SAMD5: variants seen among roughly 807,000 people sequenced by gnomAD.
SAMD5 encodes the protein sterile alpha motif domain-containing protein 5.
In SAMD5, 13 loss-of-function variants were observed where a neutral mutation model predicts 11.3. That is an observed-to-expected ratio of 1.15 (90% CI 0.75 to 1.83). The LOEUF (loss-of-function observed/expected upper bound fraction) is 1.83. SAMD5 is among the 40% of genes most tolerant of loss of function. The pLI, the probability that SAMD5 is intolerant of heterozygous loss-of-function variation, is 0.00. For synonymous variants in SAMD5, 129 were observed against 111.3 expected (o/e 1.16, Z -1.00); for missense variants, 255 against 239.1 (o/e 1.07, Z -0.44).
At chr6:147,511,344 T>C (rs1393150344) in intron 1 of SAMD5, among the ~76,000 whole-genome samples, 1 of 152,258 alleles carries the variant, frequency 6.6e-6, no homozygotes, top group Non-Finnish European at 1.5e-5. Flanking sequence ...CTTTGAACTC[T>C]GGTCTCCTGC....
intron 1 of SAMD5, among the ~76,000 whole-genome samples, chr6:147,661,044 A>G (rs181852794): frequency 6.6e-6 from 1 of 152,320 alleles, no homozygotes; most frequent in Admixed American, 6.5e-5. Context: ...CTGTGGGATC[A>G]GGAGTATATA....
the SAMD5 span, among the ~76,000 whole-genome samples, chr6:147,796,551 C>T: frequency 0.013 from 2,036 of 152,266 alleles, 18 homozygotes; most frequent in Non-Finnish European, 0.022. Flanking sequence ...GCGATACAGT[C>T]TCTTTTTTGG....
intron 1 of SAMD5, among the ~76,000 whole-genome samples, chr6:147,628,904 G>A (rs1304440578): frequency 1.3e-5 from 2 of 152,268 alleles, no homozygotes; most frequent in East Asian, 3.9e-4. Flanking sequence ...AATCTAGAAT[G>A]CATTCTCCAG....
intron 1 of SAMD5, among the ~76,000 whole-genome samples, chr6:147,584,608 C>G (rs1789347895): frequency 6.6e-6 from 1 of 152,202 alleles, no homozygotes; most frequent in Non-Finnish European, 1.5e-5. Flanking sequence ...GGATCCGAGA[C>G]AGTGCCAGCT....
the SAMD5 span, among the ~76,000 whole-genome samples, chr6:147,888,802 T>C: frequency 1.3e-5 from 2 of 151,808 alleles, no homozygotes. Flanking sequence ...GGAGAATCAC[T>C]TGAACCCAGG....
chr6:147,664,481 G>A (rs1790689082), intron 1 of SAMD5, among the ~76,000 whole-genome samples: 1 of 152,132 alleles, frequency 6.6e-6, no homozygotes, highest in African/African-American at 2.4e-5. Context: ...ACCCAAGGCT[G>A]TATTTCTGAT....
At chr6:147,633,325 A>C (rs1013055565) in intron 1 of SAMD5, among the ~76,000 whole-genome samples, 1 of 152,078 alleles carries the variant, frequency 6.6e-6, no homozygotes, top group Non-Finnish European at 1.5e-5. Context: ...ACCGCCTGCC[A>C]TGTCTTCTGT....
the SAMD5 span, among the ~76,000 whole-genome samples, chr6:147,950,438 C>T: frequency 1.3e-5 from 2 of 152,156 alleles, no homozygotes. Flanking sequence ...AAGGTTTGTG[C>T]GTGGCATTCA....
intron 1 of SAMD5, chr6:147,730,117 G>A (rs1236517545): frequency 6.9e-6 from 3 of 435,748 alleles, no homozygotes; most frequent in African/African-American, 6.3e-5. Flanking sequence ...AAAAGGAAAT[G>A]GGTAGGGCTA....
At chr6:147,770,571 T>C in the SAMD5 span, among the ~76,000 whole-genome samples, 1 of 152,212 alleles carries the variant, frequency 6.6e-6, no homozygotes, top group Non-Finnish European at 1.5e-5. Flanking sequence ...GCCATTACAA[T>C]TGTTTTGAAA....
intron 1 of SAMD5, among the ~76,000 whole-genome samples, chr6:147,548,269 T>G (rs1788716543): frequency 6.6e-6 from 1 of 152,222 alleles, no homozygotes; most frequent in African/African-American, 2.4e-5. Context: ...TGTGATTTTA[T>G]ATGAATGGTT....
the SAMD5 span, among the ~76,000 whole-genome samples, chr6:147,803,394 T>C: frequency 6.6e-6 from 1 of 152,166 alleles, no homozygotes. Flanking sequence ...GGACATCACA[T>C]TGGTCTCCTA....
chr6:147,566,761 A>T lies in SAMD5; in HGVS notation c.*2305A>T. 1 of 985,032 alleles carries T rather than the reference A, an allele frequency of 1.0e-6. No homozygotes were observed. Among genetic ancestry groups the T allele is most frequent in the East Asian group, 1.1e-4 (1 of 8,810 alleles). 61.0% of individuals were successfully genotyped at this position (985,032 alleles called of 1,614,324 possible). On this transcript the variant is annotated 3_prime_UTR_variant, in exon 2 of 2. Coordinates refer to ENST00000367474, the MANE Select transcript of SAMD5 (RefSeq NM_001030060.3). ...TCTTAGTTAAAGCTAGAGGAAGAAA[A>T]CTTCAAATAAGCAAAGAAGTATTGA...
At chr6:147,917,910 G>C in the SAMD5 span, among the ~76,000 whole-genome samples, 1 of 152,166 alleles carries the variant, frequency 6.6e-6, no homozygotes, top group Admixed American at 6.5e-5. Flanking sequence ...CTGTTCCATT[G>C]GTCTATCGCT....
chr6:147,661,885 T>G (rs1790653492), intron 1 of SAMD5, among the ~76,000 whole-genome samples: 2 of 152,200 alleles, frequency 1.3e-5, no homozygotes, highest in Non-Finnish European at 2.9e-5. Flanking sequence ...CACCTCGGCC[T>G]CCCAAATTGC....
chr6:147,776,992 C>T, the SAMD5 span, among the ~76,000 whole-genome samples: 87 of 152,236 alleles, frequency 5.7e-4, no homozygotes, highest in South Asian at 2.5e-3. Context: ...TCAAGACTGC[C>T]TTCTATTAAT....
intron 1 of SAMD5, among the ~76,000 whole-genome samples, chr6:147,699,523 TG>T (rs1240502346): frequency 6.6e-6 from 1 of 152,164 alleles, no homozygotes; most frequent in African/African-American, 2.4e-5. Flanking sequence ...ACTAAACAGC[TG>T]GGGGTGAGAG....
rs972227210 is a variant in SAMD5, at chr6:147,636,006, G to A, written c.163-101311G>A. 3.3e-5 allele frequency among the ~76,000 whole-genome samples: 5 copies of A among 152,164 alleles called. No homozygotes were observed. The South Asian group carries it at 6.2e-4, about 19-fold the overall frequency. ...ATCTCTTTTTTCTGTCATTCATTTA[G>A]CAGTTGATTCAACCATGACTGATTT... is the stretch of plus-strand genomic sequence containing the variant. On this transcript the variant is annotated intron_variant, in intron 1 of 1. Coordinates refer to the SAMD5 transcript ENST00000566741.
At chr6:147,700,679 C>T (rs1679823617) in intron 1 of SAMD5, among the ~76,000 whole-genome samples, 1 of 152,248 alleles carries the variant, frequency 6.6e-6, no homozygotes, top group Non-Finnish European at 1.5e-5. Context: ...AGCAAGTCTA[C>T]ATTAGAAGTA....
Sources: gnomAD v4.1 joint callset for allele counts (sites outside exome capture counted in the v4.1 genomes callset) on GRCh38, gnomAD v4.1.1 for gene constraint, MANE v1.5 for transcripts, NCBI Gene and HGNC (gene_info 2026-07-23, HGNC 2026-07-21) for gene names.